Variants in CKAP5 observed in about 807,000 individuals in gnomAD.
CKAP5 encodes the protein cytoskeleton associated protein 5.
CKAP5 carries 27 observed loss-of-function variants against 232.8 expected under a neutral mutation model. That is an observed-to-expected ratio of 0.12 (90% confidence interval 0.09 to 0.16). CKAP5 has a LOEUF of 0.16. Among genes scored for constraint, CKAP5 ranks in the 10% least tolerant of loss-of-function variants. CKAP5 has a pLI of 1.00. For synonymous variants in CKAP5, 785 were observed against 841.1 expected, an observed-to-expected ratio of 0.93 and a Z score of 1.16; for missense variants, 1,838 against 2,424.7, an observed-to-expected ratio of 0.76 and a Z score of 5.08.
intron 27 of CKAP5, among the ~76,000 whole-genome samples, 164 bp from the exon 28 acceptor site, chr11:46,765,420 C>A (rs553454600): frequency 1.6e-4 from 24 of 152,150 alleles, no homozygotes; most frequent in Non-Finnish European, 2.4e-4. Flanking sequence ...TGTTTTTGAA[C>A]AGGTTCTCTA....
chr11:46,809,643 A>T, intron 6 of CKAP5, 99 bp downstream of exon 6: 1 of 1,445,658 alleles, frequency 6.9e-7, no homozygotes, highest in Non-Finnish European at 9.6e-7. Flanking sequence ...ATATTTTATT[A>T]AAGGCAATCC....
intron 18 of CKAP5, among the ~76,000 whole-genome samples, chr11:46,781,887 A>G (rs1002476518): frequency 2.0e-5 from 3 of 152,166 alleles, no homozygotes; most frequent in Non-Finnish European, 4.4e-5. Context: ...GAGCAATGGC[A>G]TGATCTTGGC....
intron 8 of CKAP5, among the ~76,000 whole-genome samples, chr11:46,804,543 C>T (rs946955243): frequency 1.3e-5 from 2 of 152,138 alleles, no homozygotes; most frequent in Admixed American, 1.3e-4. Flanking sequence ...TCACTTTTCT[C>T]ATAAATTGAG....
At chr11:46,843,457 G>A (rs575297550) in intron 1 of CKAP5, among the ~76,000 whole-genome samples, 36 of 152,064 alleles carry the variant, frequency 2.4e-4, no homozygotes, top group African/African-American at 4.3e-4. Context: ...AAGGCCAGGC[G>A]TAGTGGTTCA....
intron 18 of CKAP5, among the ~76,000 whole-genome samples, chr11:46,782,439 C>T (rs138372656): frequency 7.2e-5 from 11 of 152,232 alleles, no homozygotes; most frequent in Non-Finnish European, 1.6e-4. Flanking sequence ...CAACTATGGG[C>T]GAACACCACA....
At chr11:46,748,257 G>A (rs1006258506) in intron 42 of CKAP5, among the ~76,000 whole-genome samples, 1 of 152,114 alleles carries the variant, frequency 6.6e-6, no homozygotes, top group Non-Finnish European at 1.5e-5. Context: ...GAGGAAGGCA[G>A]GGTGGAAGCA....
chr11:46,800,749 T>C (rs1028178944), intron 9 of CKAP5, among the ~76,000 whole-genome samples: 1 of 152,206 alleles, frequency 6.6e-6, no homozygotes, highest in Non-Finnish European at 1.5e-5. Context: ...GTAAATTATA[T>C]ATTAAAATAG....
In CKAP5 at chr11:46,801,316, G is replaced by A. The variant is rs376720474; in HGVS notation, c.979-12C>T. 1 of 1,596,598 alleles carries A rather than the reference G, an allele frequency of 6.3e-7. No homozygotes were observed. The highest frequency in any genetic ancestry group is 8.6e-7 in the Non-Finnish European group (1 of 1,164,544). ...TCCTTTCCAACAACCTACAAAGGGG[G>A]GTAAAAAGGAAAACAAAATAGTCAC... On this transcript the variant is annotated splice_polypyrimidine_tract_variant and intron_variant, in intron 8 of 43. Transcript: ENST00000529230.
At chr11:46,823,643 A>T (rs1939592679) in intron 1 of CKAP5, among the ~76,000 whole-genome samples, 1 of 152,080 alleles carries the variant, frequency 6.6e-6, no homozygotes, top group South Asian at 2.1e-4. Flanking sequence ...GCTGGAGTGC[A>T]GTGGTGTGAT....
intron 42 of CKAP5, among the ~76,000 whole-genome samples, chr11:46,747,012 G>A (rs966015455): frequency 2.0e-5 from 3 of 152,048 alleles, no homozygotes; most frequent in African/African-American, 4.8e-5. Flanking sequence ...GTGGTGGCAC[G>A]CAACTGTCCA....
At chr11:46,842,830 G>C (rs1565763187) in intron 1 of CKAP5, among the ~76,000 whole-genome samples, 2 of 151,950 alleles carry the variant, frequency 1.3e-5, no homozygotes, top group African/African-American at 4.8e-5. Flanking sequence ...AGCCGGGCTT[G>C]GTAGCGGGCG....
intron 35 of CKAP5, among the ~76,000 whole-genome samples, chr11:46,755,317 G>T (rs190996731): frequency 6.6e-6 from 1 of 152,174 alleles, no homozygotes; most frequent in Non-Finnish European, 1.5e-5. Flanking sequence ...GGTTTCAAGT[G>T]ATTCTCCTGC....
chr11:46,809,930 T>C (rs1299437096), intron 5 of CKAP5, 56 bp from the exon 6 acceptor site: 2 of 1,477,512 alleles, frequency 1.4e-6, no homozygotes, highest in Non-Finnish European at 1.8e-6. Flanking sequence ...TTAGTTAACA[T>C]ACTTAATACT....
At chr11:46,830,474 A>G (rs1320685873) in intron 1 of CKAP5, among the ~76,000 whole-genome samples, 6 of 147,966 alleles carry the variant, frequency 4.1e-5, no homozygotes, top group African/African-American at 1.5e-4. Context: ...ATTAGAATAG[A>G]GTAGAGAAAG....
intron 17 of CKAP5, 53 bp downstream of exon 17, chr11:46,784,435 T>C: frequency 7.0e-7 from 1 of 1,434,968 alleles, no homozygotes; most frequent in Admixed American, 2.1e-5. Context: ...AAGCTTAAAG[T>C]TTGGGGGAAA....
chr11:46,760,435 A>G (rs1327403431), intron 33 of CKAP5, 177 bp downstream of exon 33: 1 of 714,942 alleles, frequency 1.4e-6, no homozygotes, highest in Non-Finnish European at 2.4e-6. Context: ...TTTTGAGACA[A>G]AGACAAAGAC....
chr11:46,809,803 G>C lies in CKAP5; in HGVS notation c.702C>G (p.Ser234=), dbSNP rs1326491591. The change falls in exon 6 of 44, where the codon TCC becomes TCG. Residue 234 remains serine (S), a synonymous_variant. Transcript: ENST00000529230. ...SAPRPTRFLR[S]QQELEAKLEQ... is the part of the protein sequence containing the mutation. ...CCAATTTAGCTTCTAGTTCTTGTTG[G>C]GAACGAAGAAATCGAGTAGGTCTAG... is the stretch of plus-strand genomic sequence containing the variant. 1.2e-6 allele frequency: 2 copies of C among 1,613,816 alleles called. No individual in the cohort carries two copies. The highest frequency in any genetic ancestry group is 1.7e-6 in the Non-Finnish European group (2 of 1,179,944).
chr11:46,844,267 G>A (rs114195063), intron 1 of CKAP5, among the ~76,000 whole-genome samples: 306 of 150,594 alleles, frequency 2.0e-3, no homozygotes, highest in African/African-American at 6.7e-3. Context: ...ATGGAATTAA[G>A]ATAAAAGTTT....
At chr11:46,747,232 C>T (rs1164396731) in intron 42 of CKAP5, among the ~76,000 whole-genome samples, 2 of 152,128 alleles carry the variant, frequency 1.3e-5, no homozygotes, top group African/African-American at 4.8e-5. Flanking sequence ...AACAATTAAC[C>T]TAATAAATAC....
Sources: gnomAD v4.1 joint callset for allele counts (sites outside exome capture counted in the v4.1 genomes callset) on GRCh38, gnomAD v4.1.1 for gene constraint, MANE v1.5 for transcripts, NCBI Gene and HGNC (gene_info 2026-07-23, HGNC 2026-07-21) for gene names.